The following SEMA5A variants were observed in gnomAD, a reference collection of about 807,000 sequenced individuals.
The protein encoded by SEMA5A is semaphorin 5A, also known as semaphorin-5A.
SEMA5A carries 55 observed loss-of-function variants against 135.5 expected under a neutral mutation model. The ratio of observed to expected loss-of-function variants is 0.41; its 90% CI spans 0.33 to 0.51. SEMA5A has a LOEUF of 0.51. Among genes scored for constraint, SEMA5A ranks in the 20% least tolerant of loss-of-function variants. SEMA5A has a pLI of 0.37. For missense variants in SEMA5A, 1,290 were observed against 1,419.9 expected, an observed-to-expected ratio of 0.91 and a Z score of 1.47; for synonymous variants, 580 against 546.5, an observed-to-expected ratio of 1.06 and a Z score of -0.85.
At chr5:9,169,832 C>T (rs1278039047) in intron 11 of SEMA5A, among the ~76,000 whole-genome samples, 2 of 152,132 alleles carry the variant, frequency 1.3e-5, no homozygotes, top group African/African-American at 4.8e-5. Flanking sequence ...AACTATTTGC[C>T]CTAGGACACA....
chr5:9,487,406 G>C (rs1734787862), intron 1 of SEMA5A, among the ~76,000 whole-genome samples: 1 of 152,156 alleles, frequency 6.6e-6, no homozygotes, highest in African/African-American at 2.4e-5. Flanking sequence ...GGTAGGAAGG[G>C]ATGGGTTTGA....
At chr5:9,084,633 G>A (rs1404939998) in intron 16 of SEMA5A, among the ~76,000 whole-genome samples, 13 of 152,244 alleles carry the variant, frequency 8.5e-5, no homozygotes, top group African/African-American at 2.6e-4. Context: ...CCCCAGCCAC[G>A]TGGAATTGTA....
At chr5:9,055,028 A>G (rs986476467) in intron 18 of SEMA5A, among the ~76,000 whole-genome samples, 2 of 152,174 alleles carry the variant, frequency 1.3e-5, no homozygotes, top group Non-Finnish European at 2.9e-5. Context: ...CTGCCTGCTC[A>G]AGTTAGCCTC....
intron 5 of SEMA5A, among the ~76,000 whole-genome samples, chr5:9,300,324 G>A (rs533949015): frequency 2.4e-4 from 19 of 80,556 alleles, no homozygotes; most frequent in South Asian, 2.2e-3. Flanking sequence ...CACTGCGCCC[G>A]GCCATTTCTC....
At chr5:9,544,753 G>A (rs986679006) in intron 1 of SEMA5A, among the ~76,000 whole-genome samples, 16 of 152,218 alleles carry the variant, frequency 1.1e-4, no homozygotes, top group African/African-American at 3.9e-4. Flanking sequence ...AGGTGAACGC[G>A]CTTCCCGCCA....
chr5:9,324,167 C>G (rs1285154567), intron 4 of SEMA5A, among the ~76,000 whole-genome samples: 1 of 151,908 alleles, frequency 6.6e-6, no homozygotes, highest in African/African-American at 2.4e-5. Flanking sequence ...CTCCTGGGTT[C>G]ACGCCATTCT....
At chr5:9,093,470 A>G (rs35510104) in intron 16 of SEMA5A, among the ~76,000 whole-genome samples, 17,363 of 152,072 alleles carry the variant, frequency 0.11, 1,528 homozygotes, top group East Asian at 0.32. Context: ...GCACTTTGGG[A>G]GGCTGAGGCA....
chr5:9,450,913 T>C (rs1758618726), intron 1 of SEMA5A, among the ~76,000 whole-genome samples: 1 of 152,208 alleles, frequency 6.6e-6, no homozygotes, highest in Non-Finnish European at 1.5e-5. Flanking sequence ...AGAATTCTCA[T>C]CAACTGCTTT....
At chr5:9,244,255 C>T (rs370935008) in intron 5 of SEMA5A, among the ~76,000 whole-genome samples, 14 of 152,276 alleles carry the variant, frequency 9.2e-5, no homozygotes, top group East Asian at 1.9e-4. Flanking sequence ...TAAGCCCTAC[C>T]GGGGCTTCCC....
chr5:9,376,632 T>C (rs1755373986), intron 3 of SEMA5A, among the ~76,000 whole-genome samples: 1 of 152,224 alleles, frequency 6.6e-6, no homozygotes, highest in Non-Finnish European at 1.5e-5. Flanking sequence ...GAGCATCTTC[T>C]TGATCTCCTC....
chr5:9,267,496 G>T (rs1298591827), intron 5 of SEMA5A, among the ~76,000 whole-genome samples: 13 of 152,144 alleles, frequency 8.5e-5, no homozygotes, highest in Non-Finnish European at 1.9e-4. Flanking sequence ...ATGACACAGA[G>T]ATAAATTCTT....
chr5:9,368,525 T>G (rs943991281), intron 3 of SEMA5A, among the ~76,000 whole-genome samples: 1 of 152,208 alleles, frequency 6.6e-6, no homozygotes, highest in Non-Finnish European at 1.5e-5. Flanking sequence ...TTGCAGCAAC[T>G]CAAAAAATCT....
chr5:9,480,847 G>C (rs1034364655), intron 1 of SEMA5A, among the ~76,000 whole-genome samples: 3 of 152,148 alleles, frequency 2.0e-5, no homozygotes, highest in African/African-American at 7.2e-5. Flanking sequence ...GTAAAATTTA[G>C]AGCCATGGAC....
At chr5:9,340,096 A>G (rs1265111802) in intron 3 of SEMA5A, among the ~76,000 whole-genome samples, 7 of 152,228 alleles carry the variant, frequency 4.6e-5, no homozygotes, top group Admixed American at 4.6e-4. Context: ...AAGAATGGGA[A>G]TGTTTCAGGT....
intron 2 of SEMA5A, among the ~76,000 whole-genome samples, chr5:9,384,083 TTAAAC>T (rs1277196002): frequency 9.9e-5 from 15 of 152,188 alleles, no homozygotes; most frequent in African/African-American, 3.6e-4. Flanking sequence ...ACCTTTTTTC[TTAAAC>T]TAAAGGTACT....
chr5:9,430,804 A>G (rs1033172768), intron 2 of SEMA5A, among the ~76,000 whole-genome samples: 1 of 152,140 alleles, frequency 6.6e-6, no homozygotes, highest in South Asian at 2.1e-4. Flanking sequence ...ATGGAGGACA[A>G]CAAGTACAGG....
intron 2 of SEMA5A, among the ~76,000 whole-genome samples, chr5:9,383,571 AGCAGCAAGCCATCATG>A (rs1425652393): frequency 1.3e-5 from 2 of 152,204 alleles, no homozygotes; most frequent in African/African-American, 2.4e-5. Context: ...ACTGTCACAG[AGCAGCAAGCCATCATG>A]GAGATGGGTT....
At chr5:9,369,383 G>A (rs1755042528) in intron 3 of SEMA5A, among the ~76,000 whole-genome samples, 1 of 152,098 alleles carries the variant, frequency 6.6e-6, no homozygotes, top group African/African-American at 2.4e-5. Context: ...TTTCTGGTAT[G>A]TGCTTTTCAT....
chr5:9,288,856 A>G (rs892731376), intron 5 of SEMA5A, among the ~76,000 whole-genome samples: 11 of 152,244 alleles, frequency 7.2e-5, no homozygotes, highest in African/African-American at 2.4e-4. Context: ...TGATATTTGA[A>G]AGAAGTAGAA....
Sources: gnomAD v4.1 joint callset for allele counts (sites outside exome capture counted in the v4.1 genomes callset) on GRCh38, gnomAD v4.1.1 for gene constraint, MANE v1.5 for transcripts, NCBI Gene and HGNC (gene_info 2026-07-23, HGNC 2026-07-21) for gene names.